Variants in PRKCE observed in about 807,000 individuals in gnomAD.
PRKCE encodes protein kinase C epsilon type.
In PRKCE, 16 loss-of-function variants were observed where a neutral mutation model predicts 85.4. The observed-to-expected ratio is 0.19, with a 90% CI of 0.13 to 0.28. The LOEUF (loss-of-function observed/expected upper bound fraction) is 0.28, where lower values mean the gene tolerates loss of function less well. Among genes scored for constraint, PRKCE ranks in the 10% least tolerant of loss-of-function variants. The pLI, the probability that PRKCE is intolerant of heterozygous loss-of-function variation, is 1.00. For missense variants in PRKCE, 573 were observed against 975.2 expected, an observed-to-expected ratio of 0.59 and a Z score of 5.49; for synonymous variants, 388 against 371.5, an observed-to-expected ratio of 1.04 and a Z score of -0.51.
rs569439385 is a variant in PRKCE at position 45,702,396 on chromosome 2, C to T, written c.348+49948C>T. 3.9e-5 allele frequency among the ~76,000 whole-genome samples: 6 copies of T among 152,238 alleles called. No homozygotes were observed. In the South Asian group the frequency reaches 1.2e-3, roughly 32 times the overall value. On this transcript the variant is annotated intron_variant, in intron 1 of 14. Transcript: ENST00000306156. ...TGTGAAATGGGGATGATCATGCCTA[C>T]CCACTACAATCAGTTTTCATAGTGA... is the stretch of plus-strand genomic sequence containing the variant.
chr2:45,812,854 A>G (rs1364687868), intron 1 of PRKCE, among the ~76,000 whole-genome samples: 1 of 152,244 alleles, frequency 6.6e-6, no homozygotes, highest in African/African-American at 2.4e-5. Context: ...GGAAAGACTC[A>G]TGTGAAACAA....
chr2:45,676,460 C>T (rs1342468215), intron 1 of PRKCE, among the ~76,000 whole-genome samples: 3 of 152,114 alleles, frequency 2.0e-5, no homozygotes, highest in East Asian at 1.9e-4. Flanking sequence ...GTCAGAATGA[C>T]GTCAATAAGG....
In PRKCE at chr2:46,092,734, C is replaced by T. The variant is rs114112828; in HGVS notation, c.1592+6372C>T. 6.7e-3 allele frequency among the ~76,000 whole-genome samples: 1,027 copies of T among 152,222 alleles called. 13 individuals carry two copies. Among genetic ancestry groups the T allele is most frequent in the African/African-American group, 0.024 (980 of 41,534 alleles). On this transcript the variant is annotated intron_variant, in intron 11 of 14. Transcript: ENST00000306156. ...CTCTAGCTGTGCCCTCCAAACCAGG[C>T]CTCCGTATGGAAAATGCATACGAAG...
intron 1 of PRKCE, among the ~76,000 whole-genome samples, chr2:45,712,163 T>TA (rs1491010078): frequency 6.9e-6 from 1 of 145,660 alleles, no homozygotes; most frequent in Non-Finnish European, 1.5e-5. Context: ...TTTTTTTTTT[T>TA]TGAGACAGAG....
Position 46,170,106 on chromosome 2 carries a change from G to A in PRKCE, c.2067+10354G>A, listed in dbSNP as rs541744873. On this transcript the variant is annotated intron_variant, in intron 14 of 14. Coordinates refer to ENST00000306156, the MANE Select transcript of PRKCE (RefSeq NM_005400.3). ...CATAGAATAAATGCACCCATTTCAA[G>A]TCCACATTCTGATGCATTTGAAAAA... 2.0e-4 allele frequency among the ~76,000 whole-genome samples: 30 copies of A among 152,274 alleles called. No individual in the cohort carries two copies. The East Asian group carries it at 5.4e-3, about 27-fold the overall frequency.
chr2:46,037,029 C>T (rs1428525138), intron 10 of PRKCE, among the ~76,000 whole-genome samples: 3 of 152,204 alleles, frequency 2.0e-5, no homozygotes, highest in East Asian at 1.9e-4. Context: ...CCCTCCTCCT[C>T]GCCTGCCTTC....
chr2:46,105,624 T>G (rs1394881270), intron 11 of PRKCE, among the ~76,000 whole-genome samples: 1 of 152,188 alleles, frequency 6.6e-6, no homozygotes, highest in South Asian at 2.1e-4. Context: ...ACTACAGTAT[T>G]ATACTAAACA....
In PRKCE at chr2:46,145,659, G is replaced by C. The variant is rs1334274575; in HGVS notation, c.1731+428G>C. Among the ~76,000 whole-genome samples the C allele has an allele frequency of 6.6e-6, 1 of 152,132 alleles. No homozygotes were observed. On this transcript the variant is annotated intron_variant, in intron 12 of 14. Coordinates refer to ENST00000306156, the MANE Select transcript of PRKCE (RefSeq NM_005400.3). The surrounding 1 kb of genome is among the most constrained non-coding windows in gnomAD (Gnocchi z 4.6). ...AAGGCAGGTAGATCGCTTGAGCCCA[G>C]GAGTTCAAGACCAGCCGGGGCAACA...
intron 2 of PRKCE, among the ~76,000 whole-genome samples, chr2:45,944,782 ATGAGCCAC>A (rs1700131378): frequency 6.7e-6 from 1 of 149,676 alleles, no homozygotes; most frequent in Non-Finnish European, 1.5e-5. Flanking sequence ...GATTACAGGC[ATGAGCCAC>A]TGTGCTGGGC....
At chr2:46,107,204 T>C (rs1392993439) in intron 11 of PRKCE, among the ~76,000 whole-genome samples, 3 of 152,214 alleles carry the variant, frequency 2.0e-5, no homozygotes, top group Non-Finnish European at 2.9e-5. Context: ...TTACCAACAC[T>C]GTAATTTTTG....
At chr2:45,781,654 C>T (rs986386243) in intron 1 of PRKCE, among the ~76,000 whole-genome samples, 1 of 152,106 alleles carries the variant, frequency 6.6e-6, no homozygotes, top group East Asian at 1.9e-4. Flanking sequence ...CCCCCCGGCC[C>T]CCGACATGAT....
At chr2:45,963,162 T>A (rs1411126610) in intron 2 of PRKCE, among the ~76,000 whole-genome samples, 1 of 152,084 alleles carries the variant, frequency 6.6e-6, no homozygotes, top group Non-Finnish European at 1.5e-5. Flanking sequence ...GAAGGCAAGC[T>A]CGTTTCCTGA....
intron 2 of PRKCE, among the ~76,000 whole-genome samples, chr2:45,971,154 T>C (rs1209991329): frequency 1.3e-5 from 2 of 152,206 alleles, no homozygotes; most frequent in Non-Finnish European, 2.9e-5. Flanking sequence ...GGTGCCCTTT[T>C]ACTAGTATCT....
intron 1 of PRKCE, among the ~76,000 whole-genome samples, chr2:45,806,698 C>G (rs1448496986): frequency 6.6e-6 from 1 of 152,170 alleles, no homozygotes; most frequent in Non-Finnish European, 1.5e-5. Flanking sequence ...CTTTTGTGAT[C>G]AGCTTATTTC....
At chr2:45,746,285 C>T (rs992685406) in intron 1 of PRKCE, among the ~76,000 whole-genome samples, 5 of 152,138 alleles carry the variant, frequency 3.3e-5, no homozygotes, top group African/African-American at 1.2e-4. Context: ...GAGGTATATC[C>T]AACTCTCTGG....
intron 1 of PRKCE, among the ~76,000 whole-genome samples, chr2:45,778,353 T>G (rs1233871566): frequency 6.6e-6 from 1 of 152,202 alleles, no homozygotes; most frequent in African/African-American, 2.4e-5. Context: ...CAAGAGAACA[T>G]GCCTGGCCGC....
At chr2:45,768,715 T>C (rs1166986254) in intron 1 of PRKCE, among the ~76,000 whole-genome samples, 3 of 152,242 alleles carry the variant, frequency 2.0e-5, no homozygotes, top group East Asian at 3.8e-4. Flanking sequence ...ACATGCGAGA[T>C]GAAGGAAAAC....
At chr2:45,944,626 C>G (rs1271028968) in intron 2 of PRKCE, among the ~76,000 whole-genome samples, 1 of 145,742 alleles carries the variant, frequency 6.9e-6, no homozygotes, top group Non-Finnish European at 1.5e-5. Context: ...GTAGCCGGGA[C>G]TACAGGTGCG....
At chr2:45,816,080 A>T (rs1689017942) in intron 1 of PRKCE, among the ~76,000 whole-genome samples, 1 of 152,204 alleles carries the variant, frequency 6.6e-6, no homozygotes, top group Non-Finnish European at 1.5e-5. Flanking sequence ...AGTACTGGAA[A>T]GGCACAACTT....
Sources: gnomAD v4.1 joint callset for allele counts (sites outside exome capture counted in the v4.1 genomes callset) on GRCh38, gnomAD v4.1.1 for gene constraint, Gnocchi (gnomAD v3.1) non-coding constraint, MANE v1.5 for transcripts, NCBI Gene and HGNC (gene_info 2026-07-23, HGNC 2026-07-21) for gene names.